The following ADAM22 variants were observed in gnomAD, a reference collection of about 807,000 sequenced individuals.
ADAM22 encodes the protein ADAM metallopeptidase domain 22, also known as disintegrin and metalloproteinase domain-containing protein 22.
In ADAM22, 65 loss-of-function variants were observed where a neutral mutation model predicts 144.6. That is an observed-to-expected ratio of 0.45 (90% CI 0.37 to 0.55). ADAM22 has a LOEUF of 0.55. ADAM22 is among the 20% of genes least tolerant of loss of function. ADAM22 has a pLI of 0.00. For synonymous variants in ADAM22, 391 were observed against 412.6 expected, an observed-to-expected ratio of 0.95 and a Z score of 0.63; for missense variants, 974 against 1,184.9, an observed-to-expected ratio of 0.82 and a Z score of 2.61.
chr7:88,189,062 C>T lies in ADAM22; in HGVS notation c.2750+2361C>T, dbSNP rs376626727. Among the ~76,000 whole-genome samples the T allele has an allele frequency of 5.9e-5, 9 of 152,270 alleles. No individual in the cohort carries two copies. The South Asian group carries it at 8.3e-4, about 14-fold the overall frequency. ...TAGTCCAGCATTTAAAATATAGTGG[C>T]CACACTGCTAGAGAGAGCAAGGCAA... On this transcript the variant is annotated intron_variant, in intron 30 of 31. Coordinates refer to ENST00000413139, the MANE Select transcript of ADAM22 (RefSeq NM_001324418.2).
intron 3 of ADAM22, among the ~76,000 whole-genome samples, chr7:87,988,297 C>T (rs1157027393): frequency 6.6e-6 from 1 of 152,108 alleles, no homozygotes; most frequent in Non-Finnish European, 1.5e-5. Context: ...GCATCTTGGT[C>T]ACTGTTATAT....
At chr7:88,139,548 T>G (rs1834005923) in intron 14 of ADAM22, among the ~76,000 whole-genome samples, 1 of 152,118 alleles carries the variant, frequency 6.6e-6, no homozygotes, top group Non-Finnish European at 1.5e-5. Flanking sequence ...ATAAAAACAT[T>G]GGCTGGAGTA....
chr7:88,087,212 A>C (rs1351007209), intron 4 of ADAM22, among the ~76,000 whole-genome samples: 1 of 152,172 alleles, frequency 6.6e-6, no homozygotes, highest in Admixed American at 6.5e-5. Context: ...AGAGGCATAA[A>C]AATTGAAATG....
At chr7:88,175,468 A>G (rs967192088) in intron 26 of ADAM22, among the ~76,000 whole-genome samples, 1 of 152,210 alleles carries the variant, frequency 6.6e-6, no homozygotes, top group Non-Finnish European at 1.5e-5. Context: ...TGAAATGCCA[A>G]AGTTGTACAG....
chr7:88,172,786 A>G (rs1844672746), intron 26 of ADAM22, among the ~76,000 whole-genome samples: 1 of 151,962 alleles, frequency 6.6e-6, no homozygotes, highest in Admixed American at 6.6e-5. Context: ...ATTTAAGAAC[A>G]ACCAGATTTC....
chr7:88,031,885 T>A (rs1800353164), intron 3 of ADAM22, among the ~76,000 whole-genome samples: 2 of 152,268 alleles, frequency 1.3e-5, no homozygotes, highest in Non-Finnish European at 2.9e-5. Context: ...CTCAGGCTGC[T>A]GCTCCAGAGG....
intron 3 of ADAM22, among the ~76,000 whole-genome samples, chr7:88,068,046 A>G (rs1490569633): frequency 6.6e-6 from 1 of 152,212 alleles, no homozygotes; most frequent in Non-Finnish European, 1.5e-5. Flanking sequence ...TGCTGAGGGT[A>G]TAGATAACAG....
At chr7:88,145,270 T>A in intron 16 of ADAM22, 74 bp downstream of exon 16, 1 of 1,528,746 alleles carries the variant, frequency 6.5e-7, no homozygotes, top group Non-Finnish European at 9.0e-7. Context: ...CTGAGATGTA[T>A]GGAGCAAATG....
At chr7:88,082,322 A>G (rs1399330164) in intron 4 of ADAM22, among the ~76,000 whole-genome samples, 3 of 152,246 alleles carry the variant, frequency 2.0e-5, no homozygotes, top group African/African-American at 4.8e-5. Flanking sequence ...CTTACACCTT[A>G]CACAAAAATT....
At chr7:88,077,933 CA>C (rs1018012665) in intron 4 of ADAM22, among the ~76,000 whole-genome samples, 6 of 152,200 alleles carry the variant, frequency 3.9e-5, no homozygotes, top group Non-Finnish European at 7.3e-5. Flanking sequence ...CACAGACAAA[CA>C]AAAGACAGCA....
intron 30 of ADAM22, among the ~76,000 whole-genome samples, chr7:88,189,683 C>T (rs1011210604): frequency 1.3e-5 from 2 of 152,118 alleles, no homozygotes; most frequent in African/African-American, 4.8e-5. Context: ...CAGTGGCTCA[C>T]GCCTGTAATC....
At chr7:88,032,176 C>T (rs1800425001) in intron 3 of ADAM22, among the ~76,000 whole-genome samples, 1 of 152,198 alleles carries the variant, frequency 6.6e-6, no homozygotes, top group Non-Finnish European at 1.5e-5. Flanking sequence ...ATGATAGATC[C>T]ACTGACAACT....
rs189158730 is a variant in ADAM22 at position 88,138,465 on chromosome 7, A to G, written c.1220+2434A>G. On this transcript the variant is annotated intron_variant, in intron 14 of 31. Transcript: ENST00000413139. ...AGAGAAAAGCCGTTTGTATAAAACT[A>G]TGGGATATGACGCTATAATTTGATT... Among the ~76,000 whole-genome samples the G allele has an allele frequency of 4.5e-4, 68 of 152,336 alleles. 1 individual carries two copies. Among genetic ancestry groups the G allele is most frequent in the Admixed American group, 1.6e-3 (24 of 15,304 alleles).
intron 2 of ADAM22, among the ~76,000 whole-genome samples, chr7:87,942,032 A>T (rs906178174): frequency 2.6e-5 from 4 of 152,116 alleles, no homozygotes; most frequent in African/African-American, 9.7e-5. Context: ...AGTATTCCCT[A>T]ACTCCAGTGG....
At chr7:88,027,109 A>G (rs1023388348) in intron 3 of ADAM22, among the ~76,000 whole-genome samples, 4 of 152,078 alleles carry the variant, frequency 2.6e-5, no homozygotes, top group African/African-American at 9.7e-5. Context: ...GACCTTTTTA[A>G]TGTATTGTTG....
chr7:88,028,734 T>G (rs756058499), intron 3 of ADAM22, among the ~76,000 whole-genome samples: 1 of 152,080 alleles, frequency 6.6e-6, no homozygotes, highest in Non-Finnish European at 1.5e-5. Context: ...CTTGCTGAAT[T>G]GACCCTTTTC....
chr7:88,175,938 TGAAG>T (rs1845541802), intron 26 of ADAM22, among the ~76,000 whole-genome samples: 1 of 152,156 alleles, frequency 6.6e-6, no homozygotes, highest in South Asian at 2.1e-4. Flanking sequence ...AATTTCTAAA[TGAAG>T]GATGTTAAAC....
chr7:88,141,252 A>G (rs1463359170), intron 14 of ADAM22, among the ~76,000 whole-genome samples: 1 of 152,230 alleles, frequency 6.6e-6, no homozygotes, highest in African/African-American at 2.4e-5. Flanking sequence ...TGATTGCTCA[A>G]GTTGATTAAA....
chr7:88,161,564 A>G (rs1486925465), intron 22 of ADAM22, among the ~76,000 whole-genome samples: 1 of 152,184 alleles, frequency 6.6e-6, no homozygotes, highest in African/African-American at 2.4e-5. Flanking sequence ...TTTGTAAACT[A>G]TACATTTGAC....
Sources: allele counts gnomAD v4.1 joint callset (sites outside exome capture counted in the v4.1 genomes callset), GRCh38; gene constraint gnomAD v4.1.1; transcripts MANE v1.5; gene names NCBI Gene and HGNC (gene_info 2026-07-23, HGNC 2026-07-21).